WIZ: variants seen among roughly 807,000 people sequenced by gnomAD.
WIZ encodes protein Wiz.
WIZ carries 25 observed loss-of-function variants against 140.2 expected under a neutral mutation model. The ratio of observed to expected loss-of-function variants is 0.18; its 90% CI spans 0.13 to 0.25. The LOEUF (loss-of-function observed/expected upper bound fraction) is 0.25. Ranked by LOEUF, WIZ falls within the 10% of genes least tolerant of loss-of-function variation. The probability of loss-of-function intolerance (pLI) is 1.00; values close to 1 mark genes in which losing one functional copy is unlikely to be tolerated. For synonymous variants in WIZ, 1,125 were observed against 1,154.3 expected, an observed-to-expected ratio of 0.97 and a Z score of 0.51; for missense variants, 2,231 against 2,632.6, an observed-to-expected ratio of 0.85 and a Z score of 3.34.
chr19:15,447,062 C>T (rs1325221133), intron 2 of WIZ, among the ~76,000 whole-genome samples: 1 of 152,136 alleles, frequency 6.6e-6, no homozygotes. Flanking sequence ...ATCTCTGACA[C>T]GGGATAATAA....
intron 5 of WIZ, among the ~76,000 whole-genome samples, chr19:15,431,593 A>G (rs2145297592): frequency 6.6e-6 from 1 of 152,332 alleles, no homozygotes; most frequent in South Asian, 2.1e-4. Context: ...GAGAGGCCAC[A>G]CAGAGGCAGG....
chr19:15,442,834 G>A lies in WIZ; in HGVS notation c.206-86C>T. On this transcript the variant is annotated intron_variant, in intron 2 of 12. Transcript: ENST00000673675. The surrounding 1 kb of genome is among the most constrained non-coding windows in gnomAD (Gnocchi z 5.5). ...CCCAGCTCCAGGAGCCCTGCCAGGT[G>A]CCTCAGAAAGGCCCTGCTGGCTCCC... 1.2e-6 allele frequency: 1 copy of A among 805,842 alleles called. No individual in the cohort carries two copies. The allele number at this position is 805,842 out of a possible 1,614,324, so 49.9% of individuals were successfully genotyped here. A position where few individuals can be genotyped will look rare whatever the true frequency, so the allele number is the denominator to read the frequency against.
intron 5 of WIZ, among the ~76,000 whole-genome samples, chr19:15,434,502 G>T (rs1217301191): frequency 6.7e-6 from 1 of 149,624 alleles, no homozygotes; most frequent in East Asian, 2.0e-4. Flanking sequence ...GGTGGAGCTT[G>T]TAGTGAGCCG....
At position 15,425,506 on chromosome 19, in the gene WIZ, C is replaced by T; in HGVS notation, c.4629G>A (p.Gly1543=). 6.2e-7 allele frequency: 1 copy of T among 1,610,564 alleles called. No homozygotes were observed. The highest frequency in any genetic ancestry group is 1.1e-5 in the South Asian group (1 of 90,828). Reference sequence around the variant, plus strand: ...ACAGCGGCAGTGGGGACTGCACGGGCCCAGGGGCCACGGTGGGAGGCCCGT... The same window carrying T: ...ACAGCGGCAGTGGGGACTGCACGGGTCCAGGGGCCACGGTGGGAGGCCCGT... ...AEDGPPTVAP[G]PVQSPLPLSP... Residue 1543 remains glycine, a synonymous_variant, in exon 10 of 13, where the codon GGG becomes GGA. Coordinates refer to ENST00000673675, the MANE Select transcript of WIZ (RefSeq NM_001371589.1).
intron 2 of WIZ, among the ~76,000 whole-genome samples, chr19:15,445,553 C>T (rs145282492): frequency 1.8e-4 from 28 of 152,150 alleles, no homozygotes; most frequent in Non-Finnish European, 3.2e-4. Context: ...GCCTCAGGTC[C>T]GGTCACTCCA....
intron 1 of WIZ, among the ~76,000 whole-genome samples, chr19:15,449,058 C>T (rs1568318573): frequency 6.6e-6 from 1 of 152,092 alleles, no homozygotes; most frequent in Non-Finnish European, 1.5e-5. Context: ...ATTCCCCCCA[C>T]CCCCCAACCA....
intron 2 of WIZ, among the ~76,000 whole-genome samples, chr19:15,444,934 C>T (rs1046317576): frequency 4.6e-5 from 7 of 152,192 alleles, no homozygotes; most frequent in Middle Eastern, 3.2e-3. Flanking sequence ...AGCCAGGGGA[C>T]CGCGTGGCCT....
At position 15,424,264 on chromosome 19, in the gene WIZ, C is replaced by T. The variant is rs756429749; in HGVS notation, c.5429G>A (p.Arg1810Gln). 7.6e-6 allele frequency: 12 copies of T among 1,588,120 alleles called. No individual in the cohort carries two copies. The highest frequency in any genetic ancestry group is 4.7e-5 in the East Asian group (2 of 42,610). Residue 1810 changes from arginine (R) to glutamine (Q), a missense_variant, in exon 12 of 13, where the codon CGG becomes CAG. Coordinates refer to ENST00000673675, the MANE Select transcript of WIZ (RefSeq NM_001371589.1). This position sits in a 1 kb window ranked among gnomAD's most constrained non-coding sequence, Gnocchi z 9.7. ...CCGGGGCACCAGGGAGGGGACTGGCCGGACTCGGGGTGGGGGTTGCCGCAC... is the reference window on the plus strand; with the variant it reads ...CCGGGGCACCAGGGAGGGGACTGGCTGGACTCGGGGTGGGGGTTGCCGCAC... ...EEVRQPPPRV[R>Q]PVPSLVPRPP...
chr19:15,424,836 G>A lies in WIZ; in HGVS notation c.5091C>T (p.Gly1697=), dbSNP rs368797946. The A allele has an allele frequency of 2.0e-4, 329 of 1,610,320 alleles. 1 individual carries two copies. The highest frequency in any genetic ancestry group is 3.3e-4 in the Middle Eastern group (2 of 6,028). ...VGAYRSYIQG[G]RPFTKKFRSA... ...TGCGGAACTTCTTGGTGAAGGGGCG[G>A]CCGCCCTGGATGTAGCTGCGGTAGG... The change falls in exon 11 of 13, where the codon GGC becomes GGT. Residue 1697 remains glycine, a synonymous_variant. Coordinates refer to ENST00000673675, the MANE Select transcript of WIZ (RefSeq NM_001371589.1). This position sits in a 1 kb window ranked among gnomAD's most constrained non-coding sequence, Gnocchi z 9.7.
At position 15,428,880 on chromosome 19, in the gene WIZ, CA is replaced by C. The variant is rs1969034967; in HGVS notation, c.3416-373del. Among the ~76,000 whole-genome samples, 1 of 152,196 alleles carries C rather than the reference CA, an allele frequency of 6.6e-6. No homozygotes were observed. The highest frequency in any genetic ancestry group is 2.1e-4 in the South Asian group (1 of 4,834). ...CAAGGCCCTGCCCCTGGAAGCACGGCAGACTCAGTGGAAGCAACTTCAAGGG... is the reference window on the plus strand; with the variant it reads ...CAAGGCCCTGCCCCTGGAAGCACGGCGACTCAGTGGAAGCAACTTCAAGGG... On this transcript the variant is annotated intron_variant, in intron 7 of 12. Transcript: ENST00000673675. The surrounding 1 kb of genome is among the most constrained non-coding windows in gnomAD (Gnocchi z 6.4).
chr19:15,436,946 G>C lies in WIZ; in HGVS notation c.2600C>G (p.Ala867Gly), dbSNP rs753064728. The C allele has an allele frequency of 1.2e-6, 2 of 1,613,682 alleles. No homozygotes were observed. The highest frequency in any genetic ancestry group is 2.2e-5 in the South Asian group (2 of 91,038). The change falls in exon 5 of 13, where the codon GCT (alanine) becomes GGT (glycine). Residue 867 changes from alanine (A) to glycine (G), a missense_variant. Physicochemically the swap from Ala to Gly is moderately conservative, Grantham distance 60. Transcript: ENST00000673675. ...ILQELLATSAAEQPPSPLGRE... is the reference protein window; with the variant it reads ...ILQELLATSAGEQPPSPLGRE... Reference sequence around the variant, plus strand: ...GCCCAGGGGGCTGGGGGGCTGCTCAGCAGCAGAGGTGGCCAGCAGCTCCTG... The same window carrying C: ...GCCCAGGGGGCTGGGGGGCTGCTCACCAGCAGAGGTGGCCAGCAGCTCCTG...
Position 15,436,891 on chromosome 19 carries a change from G to A in WIZ, c.2655C>T (p.Phe885=), listed in dbSNP as rs1969536033. 1 of 1,613,060 alleles carries A rather than the reference G, an allele frequency of 6.2e-7. No homozygotes were observed. The highest frequency in any genetic ancestry group is 1.3e-5 in the African/African-American group (1 of 75,000). Reference sequence around the variant, plus strand: ...GTAAGCGGGGCCGACGGGAGGTCAGGAAGCTGCCAGGCGGACCCCCAGGCT... The same window carrying A: ...GTAAGCGGGGCCGACGGGAGGTCAGAAAGCTGCCAGGCGGACCCCCAGGCT... ...GREPGGPPGS[F]LTSRRPRLPL... The change falls in exon 5 of 13, where the codon TTC becomes TTT. Residue 885 remains phenylalanine, a synonymous_variant. Coordinates refer to ENST00000673675, the MANE Select transcript of WIZ (RefSeq NM_001371589.1).
At chr19:15,434,646 G>C (rs1346607086) in intron 5 of WIZ, among the ~76,000 whole-genome samples, 2 of 150,830 alleles carry the variant, frequency 1.3e-5, no homozygotes. Flanking sequence ...AGCAGTCCCA[G>C]GGGCGATACC....
chr19:15,437,276 C>G, intron 4 of WIZ, 147 bp from the exon 5 acceptor site: 2 of 742,036 alleles, frequency 2.7e-6, no homozygotes, highest in Non-Finnish European at 4.2e-6. Context: ...GCTCTCAGCT[C>G]GTGCATCCTC....
chr19:15,442,263 G>C lies in WIZ; in HGVS notation c.278+413C>G, dbSNP rs1315830477. ...ATAAAGAGTAGGGACCATCAGCATT[G>C]CTCTTGATTCCTGCTCTCACCCAAT... On this transcript the variant is annotated intron_variant, in intron 3 of 12. Coordinates refer to ENST00000673675, the MANE Select transcript of WIZ (RefSeq NM_001371589.1). The surrounding 1 kb of genome is among the most constrained non-coding windows in gnomAD (Gnocchi z 5.5). Among the ~76,000 whole-genome samples the C allele has an allele frequency of 6.6e-6, 1 of 151,864 alleles. No homozygotes were observed. The highest frequency in any genetic ancestry group is 2.4e-5 in the African/African-American group (1 of 41,332).
intron 6 of WIZ, 71 bp from the exon 7 acceptor site, chr19:15,430,160 C>T (rs1359010346): frequency 2.1e-6 from 3 of 1,439,450 alleles, no homozygotes; most frequent in South Asian, 2.9e-5. Flanking sequence ...CTTCTCCTCC[C>T]CTGAGAGTCC....
In WIZ at chr19:15,424,897, C is replaced by T; in HGVS notation, c.5030G>A (p.Ser1677Asn). 6 of 1,610,534 alleles carry T rather than the reference C, an allele frequency of 3.7e-6. No individual in the cohort carries two copies. The highest frequency in any genetic ancestry group is 1.7e-4 in the Middle Eastern group (1 of 6,030). ...CVNGSPIETL[S>N]EWIKHRPQKV... ...CTGGGGCCGGTGTTTGATCCACTCG[C>T]TCAGTGTCTCGATGGGCGAGCCATT... Residue 1677 changes from serine to asparagine, a missense_variant, in exon 11 of 13, where the codon AGC (serine) becomes AAC (asparagine). This residue lies in a region of WIZ where 299 missense variants were observed against 309.6 expected (regional missense o/e 0.97). Transcript: ENST00000673675. This position sits in a 1 kb window ranked among gnomAD's most constrained non-coding sequence, Gnocchi z 9.7.
intron 5 of WIZ, chr19:15,436,515 T>G: frequency 2.5e-6 from 1 of 392,518 alleles, no homozygotes. Context: ...TGTAAAGTGC[T>G]TAGAACGATG....
At position 15,434,155 on chromosome 19, in the gene WIZ, G is replaced by A. The variant is rs867926739; in HGVS notation, c.2740+2651C>T. Among the ~76,000 whole-genome samples the A allele has an allele frequency of 3.9e-5, 6 of 152,186 alleles. No individual in the cohort carries two copies. The Middle Eastern group carries it at 0.014, about 345-fold the overall frequency. On this transcript the variant is annotated intron_variant, in intron 5 of 12. Transcript: ENST00000673675. ...CGCCTGTAATCCCAGCTACTTGGGA[G>A]GCTGAGGCAGGAGAATTGCTTTAAC...
Sources: allele counts gnomAD v4.1 joint callset (sites outside exome capture counted in the v4.1 genomes callset), GRCh38; gene constraint gnomAD v4.1.1; regional missense constraint gnomAD v4.1.1; non-coding constraint Gnocchi (gnomAD v3.1); transcripts MANE v1.5; gene names NCBI Gene and HGNC (gene_info 2026-07-23, HGNC 2026-07-21).